ANGPT1: variants seen among roughly 807,000 people sequenced by gnomAD.
ANGPT1 encodes angiopoietin-1.
A neutral mutation model predicts 62.2 loss-of-function variants in ANGPT1; 17 were observed. The observed-to-expected ratio is 0.27, with a 90% CI of 0.19 to 0.41. The LOEUF (loss-of-function observed/expected upper bound fraction) is 0.41, where lower values mean the gene tolerates loss of function less well. ANGPT1 is among the 10% of genes least tolerant of loss of function. The probability of loss-of-function intolerance (pLI) is 1.00; values close to 1 mark genes in which losing one functional copy is unlikely to be tolerated. For synonymous variants in ANGPT1, 199 were observed against 198.9 expected (o/e 1.00, Z 0.00); for missense variants, 478 against 594.9 (o/e 0.80, Z 2.04).
chr8:107,347,421 T>C (rs1200383887), intron 1 of ANGPT1, among the ~76,000 whole-genome samples: 1 of 152,190 alleles, frequency 6.6e-6, no homozygotes, highest in Non-Finnish European at 1.5e-5. Flanking sequence ...TTGTTTTGTT[T>C]ATTTTATAGA....
intron 1 of ANGPT1, among the ~76,000 whole-genome samples, chr8:107,358,803 T>G (rs916989874): frequency 6.6e-6 from 1 of 152,318 alleles, no homozygotes; most frequent in Non-Finnish European, 1.5e-5. Flanking sequence ...TGGGTTCTTA[T>G]GATCATGAAA....
chr8:107,405,939 C>T (rs1817139836), intron 1 of ANGPT1, among the ~76,000 whole-genome samples: 1 of 151,756 alleles, frequency 6.6e-6, no homozygotes, highest in African/African-American at 2.4e-5. Flanking sequence ...ATTTTGAAGT[C>T]TTACAACTTC....
intron 7 of ANGPT1, among the ~76,000 whole-genome samples, chr8:107,275,331 T>C (rs1044532096): frequency 6.6e-6 from 1 of 152,138 alleles, no homozygotes; most frequent in African/African-American, 2.4e-5. Flanking sequence ...GCTCTAAGCT[T>C]AAGCAACAGT....
chr8:107,484,057 T>C (rs1812753144), intron 1 of ANGPT1, among the ~76,000 whole-genome samples: 1 of 152,196 alleles, frequency 6.6e-6, no homozygotes, highest in African/African-American at 2.4e-5. Flanking sequence ...GATGGTTATT[T>C]AGTATGGATA....
chr8:107,344,712 C>T (rs1048752737), intron 2 of ANGPT1, among the ~76,000 whole-genome samples: 2 of 152,018 alleles, frequency 1.3e-5, no homozygotes, highest in Admixed American at 1.3e-4. Flanking sequence ...AAACTGAGGA[C>T]CTGAAGTCAG....
intron 1 of ANGPT1, among the ~76,000 whole-genome samples, chr8:107,427,164 A>C (rs536590816): frequency 1.3e-5 from 2 of 152,272 alleles, no homozygotes; most frequent in South Asian, 4.1e-4. Context: ...AGTCCTGTTA[A>C]CTGTACTCAG....
chr8:107,321,428 TC>T (rs1289039779), intron 4 of ANGPT1, among the ~76,000 whole-genome samples: 1 of 152,134 alleles, frequency 6.6e-6, no homozygotes, highest in African/African-American at 2.4e-5. Context: ...ATAGTCTGTC[TC>T]CGTTTCTCTG....
chr8:107,331,739 G>A (rs138771974), intron 3 of ANGPT1, among the ~76,000 whole-genome samples: 1 of 152,272 alleles, frequency 6.6e-6, no homozygotes, highest in African/African-American at 2.4e-5. Context: ...TAGTAGCTAT[G>A]CGGCAGCTAG....
intron 4 of ANGPT1, among the ~76,000 whole-genome samples, chr8:107,314,649 A>G (rs1041759257): frequency 3.3e-5 from 5 of 152,228 alleles, no homozygotes; most frequent in East Asian, 1.9e-4. Flanking sequence ...TGTTTGACAT[A>G]TAATTTTCTG....
chr8:107,431,535 C>A (rs1811187534), intron 1 of ANGPT1, among the ~76,000 whole-genome samples: 2 of 152,202 alleles, frequency 1.3e-5, no homozygotes, highest in South Asian at 2.1e-4. Flanking sequence ...CTTGCACAGG[C>A]CACATGCCCT....
chr8:107,375,259 G>T (rs1052197870), intron 1 of ANGPT1, among the ~76,000 whole-genome samples: 3 of 152,134 alleles, frequency 2.0e-5, no homozygotes, highest in Admixed American at 1.3e-4. Context: ...GCCAGTTATA[G>T]AAATAAGGTT....
chr8:107,292,645 G>C (rs1027090132), intron 6 of ANGPT1, among the ~76,000 whole-genome samples: 4 of 152,084 alleles, frequency 2.6e-5, no homozygotes, highest in African/African-American at 7.2e-5. Context: ...TTCCAACTTT[G>C]TGTAAGTCCA....
intron 1 of ANGPT1, among the ~76,000 whole-genome samples, chr8:107,477,539 TCTGG>T (rs1163084629): frequency 6.6e-6 from 1 of 152,176 alleles, no homozygotes; most frequent in African/African-American, 2.4e-5. Flanking sequence ...TTTGAAAAGC[TCTGG>T]CTGTCAATAT....
At chr8:107,369,025 C>T (rs1237959857) in intron 1 of ANGPT1, among the ~76,000 whole-genome samples, 1 of 119,868 alleles carries the variant, frequency 8.3e-6, no homozygotes, top group Non-Finnish European at 1.9e-5. Flanking sequence ...TGAAGCCAGG[C>T]ATTGACTTTT....
chr8:107,480,841 G>C (rs1563642234), intron 1 of ANGPT1, among the ~76,000 whole-genome samples: 1 of 152,150 alleles, frequency 6.6e-6, no homozygotes. Context: ...ATAGAACATG[G>C]CTTCACCAAT....
At chr8:107,460,162 T>G (rs1250915433) in intron 1 of ANGPT1, among the ~76,000 whole-genome samples, 1 of 152,178 alleles carries the variant, frequency 6.6e-6, no homozygotes. Context: ...GTAGAATTGC[T>G]CAACATTTCC....
At chr8:107,407,864 T>G (rs911827880) in intron 1 of ANGPT1, among the ~76,000 whole-genome samples, 2 of 152,122 alleles carry the variant, frequency 1.3e-5, no homozygotes, top group Non-Finnish European at 2.9e-5. Flanking sequence ...AGAGAAAGAT[T>G]GGACAGAAAG....
chr8:107,324,000 C>A (rs1040557651), intron 3 of ANGPT1, among the ~76,000 whole-genome samples: 1 of 151,580 alleles, frequency 6.6e-6, no homozygotes, highest in Non-Finnish European at 1.5e-5. Context: ...AGGATGGTCT[C>A]GATCTCCTGA....
intron 1 of ANGPT1, among the ~76,000 whole-genome samples, chr8:107,459,026 G>A (rs546228420): frequency 6.6e-6 from 1 of 152,090 alleles, no homozygotes; most frequent in Admixed American, 6.6e-5. Context: ...GCATCGTCCC[G>A]CAACTTTCTA....
Sources: allele counts gnomAD v4.1 joint callset (sites outside exome capture counted in the v4.1 genomes callset), GRCh38; gene constraint gnomAD v4.1.1; transcripts MANE v1.5; gene names NCBI Gene and HGNC (gene_info 2026-07-23, HGNC 2026-07-21).